Variants in DCC observed in about 807,000 individuals in gnomAD.
DCC encodes the protein DCC netrin 1 receptor.
DCC carries 58 observed loss-of-function variants against 172.5 expected under a neutral mutation model. The ratio of observed to expected loss-of-function variants is 0.34; its 90% CI spans 0.27 to 0.42. DCC has a LOEUF of 0.42. DCC is among the 10% of genes least tolerant of loss of function. The pLI, the probability that DCC is intolerant of heterozygous loss-of-function variation, is 1.00. For missense variants in DCC, 1,740 were observed against 1,791.0 expected, an observed-to-expected ratio of 0.97 and a Z score of 0.51; for synonymous variants, 709 against 644.5, an observed-to-expected ratio of 1.10 and a Z score of -1.52.
At chr18:53,131,150 A>C (rs949497541) in intron 7 of DCC, among the ~76,000 whole-genome samples, 1 of 152,114 alleles carries the variant, frequency 6.6e-6, no homozygotes, top group Non-Finnish European at 1.5e-5. Flanking sequence ...TTGAGGGTAA[A>C]AGTTCAAACA....
At chr18:52,978,999 A>G (rs76285833) in intron 5 of DCC, among the ~76,000 whole-genome samples, 17,640 of 152,156 alleles carry the variant, frequency 0.12, 1,409 homozygotes, top group East Asian at 0.32. Context: ...TATCTTTGCA[A>G]TTGTGAATTG....
At chr18:52,408,691 T>G (rs928686583) in intron 1 of DCC, among the ~76,000 whole-genome samples, 19 of 152,132 alleles carry the variant, frequency 1.2e-4, no homozygotes, top group African/African-American at 4.1e-4. Flanking sequence ...CTGGATTTAT[T>G]AAGCATATGG....
At chr18:52,685,330 C>A (rs1160614335) in intron 1 of DCC, among the ~76,000 whole-genome samples, 1 of 152,008 alleles carries the variant, frequency 6.6e-6, no homozygotes, top group Admixed American at 6.6e-5. Flanking sequence ...TTGATCATTT[C>A]TCTTTAAAGG....
chr18:52,779,703 G>C (rs2037498661), intron 2 of DCC, among the ~76,000 whole-genome samples: 1 of 152,100 alleles, frequency 6.6e-6, no homozygotes, highest in Admixed American at 6.6e-5. Context: ...GGTATTTCTA[G>C]TTCTAGATCC....
chr18:53,443,385 A>G (rs1487828041), intron 22 of DCC, among the ~76,000 whole-genome samples: 4 of 152,236 alleles, frequency 2.6e-5, no homozygotes, highest in African/African-American at 9.6e-5. Flanking sequence ...TGTTTACAGC[A>G]TGGTTTACTA....
chr18:53,154,349 C>A (rs116078999), intron 7 of DCC, among the ~76,000 whole-genome samples: 1 of 152,224 alleles, frequency 6.6e-6, no homozygotes, highest in South Asian at 2.1e-4. Flanking sequence ...AGTACTTGAA[C>A]AAAAGTCCTC....
At chr18:53,261,763 T>G (rs2056606589) in intron 12 of DCC, among the ~76,000 whole-genome samples, 2 of 152,100 alleles carry the variant, frequency 1.3e-5, no homozygotes, top group South Asian at 4.1e-4. Context: ...CCTCCCAAAG[T>G]GCTGGGATTA....
intron 1 of DCC, among the ~76,000 whole-genome samples, chr18:52,492,338 G>A (rs151184597): frequency 1.3e-5 from 2 of 151,962 alleles, no homozygotes; most frequent in Non-Finnish European, 2.9e-5. Context: ...AGAAAACCAG[G>A]GTACTCTACA....
chr18:52,526,915 G>A (rs980595665), intron 1 of DCC, among the ~76,000 whole-genome samples: 4 of 152,118 alleles, frequency 2.6e-5, no homozygotes, highest in Non-Finnish European at 1.5e-5. Flanking sequence ...CCTCTCATCA[G>A]GTTACAGGTA....
intron 1 of DCC, among the ~76,000 whole-genome samples, chr18:52,557,184 G>A (rs2144733192): frequency 6.6e-6 from 1 of 152,276 alleles, no homozygotes; most frequent in East Asian, 1.9e-4. Context: ...CAAATCCAGT[G>A]TATGAAAACA....
At chr18:52,812,611 G>A (rs928181481) in intron 2 of DCC, among the ~76,000 whole-genome samples, 1 of 152,108 alleles carries the variant, frequency 6.6e-6, no homozygotes, top group Non-Finnish European at 1.5e-5. Context: ...CCAAAACCTG[G>A]GTAGAACTCA....
In DCC at chr18:52,463,028, G is replaced by A. The variant is rs2144543134; in HGVS notation, c.91+122150G>A. On this transcript the variant is annotated intron_variant, in intron 1 of 28. Coordinates refer to ENST00000442544, the MANE Select transcript of DCC (RefSeq NM_005215.4). The stretch of plus-strand genomic sequence containing the variant: ...GCCTGTCCACTGCGATGGCTGCCAT[G>A]TTCTTTCATATACTCAGCATGCAGT... Among the ~76,000 whole-genome samples, 3 of 152,282 alleles carry A rather than the reference G, an allele frequency of 2.0e-5. No homozygotes were observed. In the South Asian group the frequency reaches 6.2e-4, roughly 32 times the overall value.
intron 12 of DCC, among the ~76,000 whole-genome samples, chr18:53,259,930 C>T (rs1331381679): frequency 6.6e-6 from 1 of 152,140 alleles, no homozygotes; most frequent in East Asian, 1.9e-4. Flanking sequence ...CTAAACTTCT[C>T]TTCTCACTTC....
At chr18:52,918,608 G>T (rs759568757) in intron 3 of DCC, among the ~76,000 whole-genome samples, 6 of 152,032 alleles carry the variant, frequency 3.9e-5, no homozygotes, top group Non-Finnish European at 5.9e-5. Flanking sequence ...AAATACGCAA[G>T]AATCCAAAGA....
At chr18:52,674,673 A>G (rs1212125004) in intron 1 of DCC, among the ~76,000 whole-genome samples, 2 of 152,234 alleles carry the variant, frequency 1.3e-5, no homozygotes, top group Non-Finnish European at 1.5e-5. Flanking sequence ...CACAGCGAAT[A>G]ACTAGTTAAG....
At chr18:52,612,813 C>T (rs2034300212) in intron 1 of DCC, among the ~76,000 whole-genome samples, 1 of 152,078 alleles carries the variant, frequency 6.6e-6, no homozygotes, top group Non-Finnish European at 1.5e-5. Context: ...CCATTTTTGC[C>T]TTATGTAATC....
intron 27 of DCC, among the ~76,000 whole-genome samples, chr18:53,517,333 G>T (rs180957403): frequency 0.015 from 2,251 of 151,978 alleles, 55 homozygotes; most frequent in African/African-American, 0.052. Flanking sequence ...AGCATTGGGA[G>T]ATATACCTAA....
intron 1 of DCC, among the ~76,000 whole-genome samples, chr18:52,442,485 T>A (rs1412899070): frequency 6.6e-6 from 1 of 152,202 alleles, no homozygotes; most frequent in African/African-American, 2.4e-5. Flanking sequence ...GATTTCTAAC[T>A]TTTATTTAGT....
At chr18:52,816,488 C>T (rs533437811) in intron 2 of DCC, 1 of 152,308 alleles carries the variant, frequency 6.6e-6, no homozygotes, top group South Asian at 2.1e-4. Context: ...ATATTGAGTT[C>T]AGATCCTATC....
Sources: allele counts gnomAD v4.1 joint callset (sites outside exome capture counted in the v4.1 genomes callset), GRCh38; gene constraint gnomAD v4.1.1; transcripts MANE v1.5; gene names NCBI Gene and HGNC (gene_info 2026-07-23, HGNC 2026-07-21).